The following POLE2 variants were observed in gnomAD, a reference collection of about 807,000 sequenced individuals.
POLE2 encodes the protein DNA polymerase epsilon subunit 2.
In POLE2, 56 loss-of-function variants were observed where a neutral mutation model predicts 79.4. The ratio of observed to expected loss-of-function variants is 0.71; its 90% CI spans 0.57 to 0.88. The LOEUF (loss-of-function observed/expected upper bound fraction) is 0.88, where lower values mean the gene tolerates loss of function less well. Among genes scored for constraint, POLE2 ranks in the 40% least tolerant of loss-of-function variants. The probability of loss-of-function intolerance (pLI) is 0.00; values close to 1 mark genes in which losing one functional copy is unlikely to be tolerated. For synonymous variants in POLE2, 212 were observed against 214.0 expected (o/e 0.99, Z 0.08); for missense variants, 598 against 638.9 (o/e 0.94, Z 0.69).
intron 17 of POLE2, among the ~76,000 whole-genome samples, chr14:49,649,834 T>A (rs990265094): frequency 6.6e-6 from 1 of 152,190 alleles, no homozygotes; most frequent in Non-Finnish European, 1.5e-5. Flanking sequence ...AATTAAGTAA[T>A]AAAATATGTA....
At chr14:49,678,328 G>C (rs1216284151) in intron 3 of POLE2, among the ~76,000 whole-genome samples, 1 of 151,952 alleles carries the variant, frequency 6.6e-6, no homozygotes, top group Non-Finnish European at 1.5e-5. Context: ...TTACCCCCAA[G>C]AGCAACACCT....
intron 1 of POLE2, among the ~76,000 whole-genome samples, chr14:49,686,522 A>G (rs1366084882): frequency 6.6e-6 from 1 of 152,192 alleles, no homozygotes; most frequent in African/African-American, 2.4e-5. Context: ...AAGACCCTGA[A>G]GTTGAGGACC....
At chr14:49,647,466 T>A (rs1883869290) in intron 17 of POLE2, 106 bp from the exon 18 acceptor site, 1 of 284,142 alleles carries the variant, frequency 3.5e-6, no homozygotes, top group East Asian at 7.1e-5. Context: ...TATTTATTTA[T>A]TTTTTTTTTG....
In POLE2 at chr14:49,649,453, C is replaced by T. The variant is rs190666030; in HGVS notation, c.1497+812G>A. On this transcript the variant is annotated intron_variant, in intron 17 of 18. Transcript: ENST00000216367. ...GAGCCACCACACCCGGCCTATATTT[C>T]TTTTCTTTTTTTTTGAGATGGAGTC... Among the ~76,000 whole-genome samples the T allele has an allele frequency of 1.5e-3, 215 of 140,472 alleles. 4 individuals are homozygous for T. Among genetic ancestry groups the T allele is most frequent in the African/African-American group, 5.3e-3 (195 of 37,042 alleles). 92.2% of individuals were successfully genotyped at this position (140,472 alleles called of 152,430 possible). A position where few individuals can be genotyped will look rare whatever the true frequency, so the allele number is the denominator to read the frequency against.
chr14:49,646,514 G>A (rs781761558), intron 18 of POLE2: 1 of 151,672 alleles, frequency 6.6e-6, no homozygotes, highest in Non-Finnish European at 1.5e-5. Context: ...ATAAAGACGG[G>A]GTTTCACCAT....
chr14:49,684,033 C>A (rs745992754), intron 1 of POLE2, among the ~76,000 whole-genome samples: 1 of 152,300 alleles, frequency 6.6e-6, no homozygotes, highest in East Asian at 1.9e-4. Flanking sequence ...TACTACCCTA[C>A]ATTTAAGGCA....
chr14:49,666,342 C>T lies in POLE2; in HGVS notation c.564G>A (p.Thr188=), dbSNP rs34281321. 5,364 of 1,526,776 alleles carry T rather than the reference C, an allele frequency of 3.5e-3. 178 individuals are homozygous for T. The African/African-American group carries it at 0.066, about 19-fold the overall frequency. 94.6% of individuals were successfully genotyped at this position (1,526,776 alleles called of 1,614,324 possible). A position where few individuals can be genotyped will look rare whatever the true frequency, so the allele number is the denominator to read the frequency against. ...IGDAIVLGMI[T]QLKEGKFFLE... ...CTTATTAAGTTACCTCTTTTAACTG[C>T]GTTATCATTCCAAGAACAATCGCAT... The change falls in exon 7 of 19, where the codon ACG becomes ACA. Residue 188 remains threonine, a synonymous_variant. Coordinates refer to ENST00000216367, the MANE Select transcript of POLE2 (RefSeq NM_002692.4).
chr14:49,675,218 G>A (rs1177853746), intron 3 of POLE2, among the ~76,000 whole-genome samples: 3 of 151,886 alleles, frequency 2.0e-5, no homozygotes, highest in African/African-American at 7.2e-5. Flanking sequence ...CCGAGTAGGT[G>A]GGATTACAGG....
chr14:49,649,734 C>T (rs1444951304), intron 17 of POLE2, among the ~76,000 whole-genome samples: 2 of 152,170 alleles, frequency 1.3e-5, no homozygotes, highest in African/African-American at 2.4e-5. Flanking sequence ...CAGGTGTGAG[C>T]CACCATACCT....
At chr14:49,663,434 G>T in intron 9 of POLE2, 47 bp from the exon 10 acceptor site, 1 of 1,291,512 alleles carries the variant, frequency 7.7e-7, no homozygotes. Flanking sequence ...CTCTATGTTT[G>T]AAAGGACAAA....
rs1287073176 is a variant in POLE2 at position 49,655,975 on chromosome 14, A to G, written c.756-132T>C. 2.3e-5 allele frequency: 13 copies of G among 568,842 alleles called. No homozygotes were observed. In the East Asian group the frequency reaches 3.9e-4, roughly 17 times the overall value. 35.2% of individuals were successfully genotyped at this position (568,842 alleles called of 1,614,324 possible). ...AAAAGGTACTCTTTGTAACACTTTAAAAGTACAAAGGTTATCTAAATATTC... is the reference window on the plus strand; with the variant it reads ...AAAAGGTACTCTTTGTAACACTTTAGAAGTACAAAGGTTATCTAAATATTC... On this transcript the variant is annotated intron_variant, in intron 10 of 18. Coordinates refer to ENST00000216367, the MANE Select transcript of POLE2 (RefSeq NM_002692.4).
chr14:49,666,378 G>T lies in POLE2; in HGVS notation c.528C>A (p.Thr176=). 1 of 1,541,454 alleles carries T rather than the reference G, an allele frequency of 6.5e-7. No individual in the cohort carries two copies. The highest frequency in any genetic ancestry group is 8.8e-7 in the Non-Finnish European group (1 of 1,139,034). ...CAAGAACAATCGCATCTCCGATTTT[G>T]GTTGTACTACCCAATAAGGTTTCTA... The part of the protein sequence containing the change: ...KTIETLLGST[T]KIGDAIVLGM... Residue 176 remains threonine (T), a synonymous_variant, in exon 7 of 19, where the codon ACC becomes ACA. Coordinates refer to ENST00000216367, the MANE Select transcript of POLE2 (RefSeq NM_002692.4).
At position 49,643,672 on chromosome 14, in the gene POLE2, TGAA is replaced by T; in HGVS notation, c.1566-5_1566-3del. 7.2e-7 allele frequency: 1 copy of T among 1,385,580 alleles called. No individual in the cohort carries two copies. The highest frequency in any genetic ancestry group is 1.0e-6 in the Non-Finnish European group (1 of 993,936). 85.8% of individuals were successfully genotyped at this position (1,385,580 alleles called of 1,614,324 possible). ...GAATCTCAAAAGCCTTGAAGTTTGC[TGAA>T]AATAGAAAAAAAAATTAAATATTTG... On this transcript the variant is annotated splice_polypyrimidine_tract_variant and splice_region_variant and intron_variant, in intron 18 of 18. Coordinates refer to ENST00000216367, the MANE Select transcript of POLE2 (RefSeq NM_002692.4).
intron 9 of POLE2, among the ~76,000 whole-genome samples, chr14:49,664,105 T>C (rs1885296180): frequency 6.6e-6 from 1 of 151,544 alleles, no homozygotes; most frequent in East Asian, 1.9e-4. Context: ...TCCCAACACT[T>C]TGGGAGGCCG....
chr14:49,656,724 C>A (rs1461196742), intron 10 of POLE2, among the ~76,000 whole-genome samples: 1 of 152,168 alleles, frequency 6.6e-6, no homozygotes, highest in East Asian at 1.9e-4. Flanking sequence ...AATGCAAATA[C>A]CCCATAGGCC....
intron 10 of POLE2, among the ~76,000 whole-genome samples, chr14:49,660,156 T>C (rs935080480): frequency 1.3e-5 from 2 of 152,258 alleles, no homozygotes; most frequent in Non-Finnish European, 2.9e-5. Flanking sequence ...ATACTTATCA[T>C]TGTGTTACAG....
intron 15 of POLE2, 49 bp from the exon 16 acceptor site, chr14:49,651,426 T>G (rs758024084): frequency 1.2e-6 from 1 of 810,246 alleles, no homozygotes; most frequent in Non-Finnish European, 2.0e-6. Flanking sequence ...AAAAATGATA[T>G]TAATTTTAAA....
chr14:49,653,747 G>A (rs1407443278), intron 15 of POLE2, among the ~76,000 whole-genome samples: 1 of 148,274 alleles, frequency 6.7e-6, no homozygotes, highest in African/African-American at 2.5e-5. Flanking sequence ...CCACCTACCA[G>A]GCTCAAGTGA....
At chr14:49,651,233 T>C (rs3783435) in intron 16 of POLE2, 36 bp downstream of exon 16, 1 of 900,820 alleles carries the variant, frequency 1.1e-6, no homozygotes, top group Admixed American at 1.8e-5. Context: ...TAATGCAACA[T>C]GTAAGGCAGT....
Sources: allele counts gnomAD v4.1 joint callset (sites outside exome capture counted in the v4.1 genomes callset), GRCh38; gene constraint gnomAD v4.1.1; transcripts MANE v1.5; gene names NCBI Gene and HGNC (gene_info 2026-07-23, HGNC 2026-07-21).